CDH23: variants seen among roughly 807,000 people sequenced by gnomAD.
CDH23 encodes cadherin related 23.
Under a neutral mutation model 317.1 loss-of-function variants are expected in CDH23, and 189 were observed. That is an observed-to-expected ratio of 0.60 (90% CI 0.53 to 0.67). The LOEUF (loss-of-function observed/expected upper bound fraction) is 0.67. Ranked by LOEUF, CDH23 falls within the 30% of genes least tolerant of loss-of-function variation. The pLI is 0.00. For missense variants in CDH23, 4,401 were observed against 4,592.4 expected (o/e 0.96, Z 1.20); for synonymous variants, 1,839 against 1,876.8 (o/e 0.98, Z 0.52).
chr10:71,565,065 A>G (rs1166252401), intron 6 of CDH23, among the ~76,000 whole-genome samples: 1 of 152,174 alleles, frequency 6.6e-6, no homozygotes, highest in Non-Finnish European at 1.5e-5. Context: ...TTCTTGTGGC[A>G]GGAGCCGTGG....
intron 35 of CDH23, 60 bp from the exon 36 acceptor site, chr10:71,739,584 C>T: frequency 6.3e-7 from 1 of 1,580,712 alleles, no homozygotes; most frequent in Non-Finnish European, 8.6e-7. Context: ...TCCCCCTTGG[C>T]TTGACCTGGC....
intron 16 of CDH23, 52 bp downstream of exon 16, chr10:71,677,745 T>A: frequency 7.1e-7 from 1 of 1,402,812 alleles, no homozygotes; most frequent in Non-Finnish European, 9.9e-7. Flanking sequence ...GCCTTCTCCC[T>A]GTACTTGCTT....
chr10:71,528,652 C>A (rs1254895610), intron 6 of CDH23, among the ~76,000 whole-genome samples: 10 of 152,358 alleles, frequency 6.6e-5, no homozygotes, highest in Non-Finnish European at 8.8e-5. Flanking sequence ...GCCTCCGCAG[C>A]AGCCTGGGAA....
chr10:71,673,012 C>G (rs1372882868), intron 14 of CDH23, among the ~76,000 whole-genome samples: 1 of 152,188 alleles, frequency 6.6e-6, no homozygotes, highest in East Asian at 1.9e-4. Context: ...CCTCTACTTC[C>G]CTTTTCCTTT....
intron 3 of CDH23, among the ~76,000 whole-genome samples, chr10:71,495,918 A>G (rs1852939963): frequency 6.6e-6 from 1 of 152,190 alleles, no homozygotes; most frequent in Non-Finnish European, 1.5e-5. Flanking sequence ...GTTCTCAAAA[A>G]TGTGGTCTCA....
At chr10:71,709,803 C>A (rs1050604664) in intron 27 of CDH23, among the ~76,000 whole-genome samples, 1 of 151,912 alleles carries the variant, frequency 6.6e-6, no homozygotes, top group African/African-American at 2.4e-5. Flanking sequence ...AAGACATATC[C>A]GAGACTGGGT....
rs199903227 is a variant in CDH23 at position 71,800,667 on chromosome 10, G to A, written c.7394G>A (p.Arg2465Gln). The change falls in exon 53 of 70, where the codon CGG becomes CAG. Residue 2465 changes from arginine (R) to glutamine (Q), a missense_variant. Arg to Gln is a conservative substitution (Grantham distance 43, BLOSUM62 1). Around this residue, in one of 3 missense-constraint regions of CDH23, gnomAD observed 189 missense variants for 250.9 expected, o/e 0.75. Coordinates refer to ENST00000224721, the MANE Select transcript of CDH23 (RefSeq NM_022124.6). ...GDIYVLSSLD[R>Q]EKKDHYILTA... Reference sequence around the variant, plus strand: ...ATCTATGTGCTGTCTTCTCTGGACCGGGAGAAGAAGGACCACTATATCCTG... The same window carrying A: ...ATCTATGTGCTGTCTTCTCTGGACCAGGAGAAGAAGGACCACTATATCCTG... 1.1e-4 allele frequency: 184 copies of A among 1,613,816 alleles called. No individual in the cohort carries two copies. The highest frequency in any genetic ancestry group is 6.0e-4 in the Admixed American group (36 of 60,004).
Position 71,731,993 on chromosome 10 carries a change from G to T in CDH23, c.3722G>T (p.Gly1241Val). 6.2e-7 allele frequency: 1 copy of T among 1,613,448 alleles called. No homozygotes were observed. The highest frequency in any genetic ancestry group is 8.5e-7 in the Non-Finnish European group (1 of 1,179,526). Residue 1241 changes from glycine (G) to valine (V), a missense_variant, in exon 32 of 70, where the codon GGT becomes GTT. By Grantham distance (109) the Gly-to-Val change is moderately radical. Around this residue, in one of 3 missense-constraint regions of CDH23, gnomAD observed 3,068 missense variants for 3,203.3 expected, o/e 0.96. Coordinates refer to ENST00000224721, the MANE Select transcript of CDH23 (RefSeq NM_022124.6). ...CCTCTGTGTCCTCCTACAGGGGATG[G>T]TGGCCTGGTGAACTACCGCATCCTG... The part of the protein sequence containing the change: ...VQATDRDSGD[G>V]GLVNYRILSG...
chr10:71,602,646 G>A (rs1378949440), intron 9 of CDH23, among the ~76,000 whole-genome samples: 1 of 152,116 alleles, frequency 6.6e-6, no homozygotes, highest in Admixed American at 6.5e-5. Flanking sequence ...CACTGCCATT[G>A]CACCCCACCC....
chr10:71,514,274 C>T (rs1021739809), intron 6 of CDH23, among the ~76,000 whole-genome samples: 1 of 152,164 alleles, frequency 6.6e-6, no homozygotes, highest in Non-Finnish European at 1.5e-5. Context: ...AATCAGTAGG[C>T]TGGGGAGAGC....
intron 1 of CDH23, among the ~76,000 whole-genome samples, chr10:71,412,057 C>A (rs1308264256): frequency 1.3e-5 from 2 of 152,126 alleles, no homozygotes; most frequent in Non-Finnish European, 2.9e-5. Context: ...TGGAATCATA[C>A]AATATTCATC....
At chr10:71,431,389 G>T (rs969732731) in intron 1 of CDH23, among the ~76,000 whole-genome samples, 7 of 152,186 alleles carry the variant, frequency 4.6e-5, no homozygotes, top group African/African-American at 1.7e-4. Context: ...CCATGAGGTG[G>T]TCTTGTCTAC....
chr10:71,720,649 G>T (rs1174075618), intron 28 of CDH23, among the ~76,000 whole-genome samples: 1 of 152,158 alleles, frequency 6.6e-6, no homozygotes, highest in Non-Finnish European at 1.5e-5. Flanking sequence ...CCAGTTTCTG[G>T]TTTTTAGCTG....
At chr10:71,405,164 C>T (rs1848036364) in intron 1 of CDH23, among the ~76,000 whole-genome samples, 1 of 152,190 alleles carries the variant, frequency 6.6e-6, no homozygotes, top group African/African-American at 2.4e-5. Context: ...CACTTTTCTT[C>T]TGTTCTTTGC....
At chr10:71,735,480 GGATGGCATC>G (rs1839537910) in intron 34 of CDH23, among the ~76,000 whole-genome samples, 2 of 152,058 alleles carry the variant, frequency 1.3e-5, no homozygotes, top group Non-Finnish European at 2.9e-5. Context: ...GAGGTCCATG[GGATGGCATC>G]CTGTGGTGAT....
chr10:71,585,325 A>G (rs2132426658), intron 9 of CDH23, among the ~76,000 whole-genome samples: 1 of 152,282 alleles, frequency 6.6e-6, no homozygotes, highest in East Asian at 1.9e-4. Context: ...GCCACCCTAG[A>G]CCCACATGTA....
At chr10:71,443,697 T>G (rs1330528184) in intron 2 of CDH23, among the ~76,000 whole-genome samples, 1 of 152,240 alleles carries the variant, frequency 6.6e-6, no homozygotes, top group Non-Finnish European at 1.5e-5. Flanking sequence ...CTTGGGAAGC[T>G]GGGATTCTCC....
At chr10:71,565,843 T>C (rs1857367787) in intron 6 of CDH23, among the ~76,000 whole-genome samples, 1 of 152,170 alleles carries the variant, frequency 6.6e-6, no homozygotes, top group Non-Finnish European at 1.5e-5. Context: ...CAACAAATGG[T>C]CTGTCCATCC....
At chr10:71,624,734 C>CTACTAT (rs1861630946) in intron 11 of CDH23, among the ~76,000 whole-genome samples, 1 of 146,214 alleles carries the variant, frequency 6.8e-6, no homozygotes, top group Non-Finnish European at 1.5e-5. Flanking sequence ...TAGACATTAG[C>CTACTAT]TATTATTATT....
Sources: gnomAD v4.1 joint callset for allele counts (sites outside exome capture counted in the v4.1 genomes callset) on GRCh38, gnomAD v4.1.1 for gene constraint, gnomAD v4.1.1 regional missense constraint, MANE v1.5 for transcripts, NCBI Gene and HGNC (gene_info 2026-07-23, HGNC 2026-07-21) for gene names.